SH3D19: variants seen among roughly 807,000 people sequenced by gnomAD.
The protein encoded by SH3D19 is SH3 domain-containing protein 19.
SH3D19 carries 58 observed loss-of-function variants against 112.1 expected under a neutral mutation model. The ratio of observed to expected loss-of-function variants is 0.52; its 90% confidence interval spans 0.42 to 0.64. SH3D19 has a LOEUF of 0.64. SH3D19 is among the 30% of genes least tolerant of loss of function. SH3D19 has a pLI of 0.00. For missense variants in SH3D19, 1,090 were observed against 1,263.4 expected (o/e 0.86, Z 2.08); for synonymous variants, 391 against 448.5 (o/e 0.87, Z 1.62).
At chr4:151,183,148 C>T (rs186277427) in intron 3 of SH3D19, among the ~76,000 whole-genome samples, 151 of 151,818 alleles carry the variant, frequency 9.9e-4, no homozygotes, top group African/African-American at 3.4e-3. Context: ...CCCACCACTG[C>T]GCCGGGTTAA....
intron 19 of SH3D19, among the ~76,000 whole-genome samples, chr4:151,124,860 G>A (rs1748852094): frequency 6.6e-6 from 1 of 152,188 alleles, no homozygotes; most frequent in Non-Finnish European, 1.5e-5. Flanking sequence ...ACAACCATTT[G>A]TAAAATGAAA....
intron 1 of SH3D19, among the ~76,000 whole-genome samples, chr4:151,271,495 TG>T (rs1322976366): frequency 3.3e-5 from 5 of 152,234 alleles, no homozygotes; most frequent in African/African-American, 1.2e-4. Context: ...GGGATATTTT[TG>T]GTTGTCACAA....
chr4:151,239,427 G>A (rs1770385005), intron 1 of SH3D19, among the ~76,000 whole-genome samples: 1 of 152,116 alleles, frequency 6.6e-6, no homozygotes, highest in Non-Finnish European at 1.5e-5. Flanking sequence ...TTTTTTAGGG[G>A]TGGATGCTAT....
chr4:151,309,721 A>G (rs530872228), intron 1 of SH3D19, among the ~76,000 whole-genome samples: 1 of 152,324 alleles, frequency 6.6e-6, no homozygotes, highest in African/African-American at 2.4e-5. Flanking sequence ...TGGGCATGAC[A>G]GCTCACTCCT....
At chr4:151,225,362 G>A (rs1461912825) in intron 2 of SH3D19, among the ~76,000 whole-genome samples, 2 of 152,192 alleles carry the variant, frequency 1.3e-5, no homozygotes, top group Non-Finnish European at 2.9e-5. Context: ...TCCTGCCTAT[G>A]AGAAGTCAGA....
At chr4:151,247,603 A>G (rs1771034379) in intron 1 of SH3D19, among the ~76,000 whole-genome samples, 1 of 152,204 alleles carries the variant, frequency 6.6e-6, no homozygotes, top group Admixed American at 6.5e-5. Context: ...TCACAATGAG[A>G]TCATTTTAGA....
intron 3 of SH3D19, among the ~76,000 whole-genome samples, chr4:151,183,394 C>A (rs900018272): frequency 6.6e-6 from 1 of 152,170 alleles, no homozygotes; most frequent in Non-Finnish European, 1.5e-5. Context: ...AATAAAGAAT[C>A]TTCTCGAATT....
intron 1 of SH3D19, among the ~76,000 whole-genome samples, chr4:151,260,116 G>A (rs1772258843): frequency 1.3e-5 from 2 of 152,184 alleles, no homozygotes; most frequent in Non-Finnish European, 2.9e-5. Flanking sequence ...TGGAGTACAA[G>A]TATAATTTCT....
intron 1 of SH3D19, among the ~76,000 whole-genome samples, chr4:151,287,680 A>G (rs954348018): frequency 6.6e-6 from 1 of 152,142 alleles, no homozygotes; most frequent in African/African-American, 2.4e-5. Context: ...GGATCACTTG[A>G]GGTCAGGAGT....
intron 2 of SH3D19, among the ~76,000 whole-genome samples, chr4:151,212,620 T>C (rs1766152018): frequency 6.6e-6 from 1 of 152,208 alleles, no homozygotes; most frequent in South Asian, 2.1e-4. Flanking sequence ...TTCAAAATAT[T>C]ACTGCTCATT....
At chr4:151,132,443 G>A in intron 16 of SH3D19, 60 bp from the exon 17 acceptor site, 1 of 1,482,546 alleles carries the variant, frequency 6.7e-7, no homozygotes, top group Non-Finnish European at 9.4e-7. Context: ...AGGCCACATA[G>A]TATTAAAAAC....
chr4:151,180,411 C>CT (rs367719721), intron 3 of SH3D19, among the ~76,000 whole-genome samples: 90,302 of 130,760 alleles, frequency 0.69, 35,520 homozygotes, highest in Non-Finnish European at 0.88. Context: ...ATTTTTTTTT[C>CT]TTTTTTTTTT....
At chr4:151,308,700 T>C (rs888793267) in intron 1 of SH3D19, among the ~76,000 whole-genome samples, 2 of 152,172 alleles carry the variant, frequency 1.3e-5, no homozygotes, top group African/African-American at 4.8e-5. Context: ...TTTAGTACCT[T>C]AGAAGCCATG....
intron 1 of SH3D19, among the ~76,000 whole-genome samples, chr4:151,302,882 G>A (rs372864438): frequency 2.6e-5 from 4 of 152,078 alleles, no homozygotes; most frequent in South Asian, 4.1e-4. Flanking sequence ...GTGGGGGAAG[G>A]GGGGAGGGAT....
intron 7 of SH3D19, among the ~76,000 whole-genome samples, chr4:151,171,580 C>T (rs1759077565): frequency 6.6e-6 from 1 of 152,166 alleles, no homozygotes; most frequent in African/African-American, 2.4e-5. Context: ...GCAGAGGCCT[C>T]TTTACACCTA....
chr4:151,171,576 G>C (rs1323188065), intron 7 of SH3D19, among the ~76,000 whole-genome samples: 2 of 152,116 alleles, frequency 1.3e-5, no homozygotes, highest in Non-Finnish European at 2.9e-5. Flanking sequence ...ACAAGCAGAG[G>C]CCTCTTTACA....
At chr4:151,273,700 A>G (rs1302746260) in intron 1 of SH3D19, among the ~76,000 whole-genome samples, 1 of 152,048 alleles carries the variant, frequency 6.6e-6, no homozygotes, top group Non-Finnish European at 1.5e-5. Context: ...GTAAGTCAAC[A>G]GAAAGATCTG....
intron 1 of SH3D19, among the ~76,000 whole-genome samples, chr4:151,257,362 A>G (rs1772008806): frequency 6.6e-6 from 1 of 152,170 alleles, no homozygotes; most frequent in South Asian, 2.1e-4. Context: ...TTCTGGGATT[A>G]CAGGAGTGAG....
rs1232634796 is a variant in SH3D19 at position 151,175,412 on chromosome 4, C to T, written c.792G>A (p.Arg264=). 2.6e-6 allele frequency: 4 copies of T among 1,546,056 alleles called. No individual in the cohort carries two copies. Among genetic ancestry groups the T allele is most frequent in the South Asian group, 2.6e-5 (2 of 77,858 alleles). ...AAVGEESSPG[R]PQSLLDNAST... is the part of the protein sequence containing the mutation. ...TAGCGTTGTCCAGCAGAGACTGGGG[C>T]CGGCCTGGGGATGACTCCTCTCCTA... Residue 264 remains arginine (R), a synonymous_variant, in exon 7 of 20, where the codon CGG becomes CGA. Transcript: ENST00000604030.
Sources: allele counts gnomAD v4.1 joint callset (sites outside exome capture counted in the v4.1 genomes callset), GRCh38; gene constraint gnomAD v4.1.1; transcripts MANE v1.5; gene names NCBI Gene and HGNC (gene_info 2026-07-23, HGNC 2026-07-21).